The following NINL variants were observed in gnomAD, a reference collection of about 807,000 sequenced individuals.
The protein encoded by NINL is ninein-like protein.
In NINL, 153 loss-of-function variants were observed where a neutral mutation model predicts 160.3. The observed-to-expected ratio is 0.95, with a 90% CI of 0.84 to 1.09. NINL has a LOEUF of 1.09. Among genes scored for constraint, NINL ranks in the 50% least tolerant of loss-of-function variants. The pLI is 0.00. For synonymous variants in NINL, 800 were observed against 734.8 expected (o/e 1.09, Z -1.43); for missense variants, 1,829 against 1,764.0 (o/e 1.04, Z -0.66).
chr20:25,510,655 T>C lies in NINL; in HGVS notation c.517+19A>G, dbSNP rs1444499752. 3.1e-6 allele frequency: 5 copies of C among 1,611,948 alleles called. No individual in the cohort carries two copies. The highest frequency in any genetic ancestry group is 1.1e-5 in the South Asian group (1 of 91,008). On this transcript the variant is annotated intron_variant, in intron 5 of 23. Transcript: ENST00000278886. ...CTGGGCAAAGGCAGAGAGCACTGAA[T>C]GCGAGGCTGAGGCTTTACCTTGTGC...
In NINL at chr20:25,503,604, G is replaced by A. The variant is rs1030103133; in HGVS notation, c.861+348C>T. Among the ~76,000 whole-genome samples, 7 of 150,744 alleles carry A rather than the reference G, an allele frequency of 4.6e-5. No individual in the cohort carries two copies. In the East Asian group the frequency reaches 9.9e-4, roughly 21 times the overall value. Reference sequence around the variant, plus strand: ...CCTGAGCACTGCCTTCTGTTGCATCGGGTGGGCACCTGAGCTGCCATGTTC... The same window carrying A: ...CCTGAGCACTGCCTTCTGTTGCATCAGGTGGGCACCTGAGCTGCCATGTTC... On this transcript the variant is annotated intron_variant, in intron 7 of 23. Transcript: ENST00000278886.
At chr20:25,512,210 G>A (rs2064083231) in intron 4 of NINL, among the ~76,000 whole-genome samples, 1 of 152,212 alleles carries the variant, frequency 6.6e-6, no homozygotes, top group Non-Finnish European at 1.5e-5. Context: ...CAGGCCAGTT[G>A]TAAGTGCTGG....
intron 1 of NINL, among the ~76,000 whole-genome samples, chr20:25,582,185 G>A (rs2147213637): frequency 6.6e-6 from 1 of 152,200 alleles, no homozygotes; most frequent in Admixed American, 6.5e-5. Flanking sequence ...AACCTGGGAG[G>A]TGGAGGTAGC....
chr20:25,551,791 C>T (rs953515199), intron 1 of NINL, among the ~76,000 whole-genome samples: 3 of 152,166 alleles, frequency 2.0e-5, no homozygotes, highest in Non-Finnish European at 4.4e-5. Flanking sequence ...TGAGCGTGTT[C>T]TGCACTTGGG....
At chr20:25,485,991 T>C (rs2063497034) in intron 13 of NINL, among the ~76,000 whole-genome samples, 1 of 152,252 alleles carries the variant, frequency 6.6e-6, no homozygotes, top group African/African-American at 2.4e-5. Flanking sequence ...ATGTTGTGGT[T>C]TGCTGATGTT....
chr20:25,555,935 A>G (rs904145245), intron 1 of NINL, among the ~76,000 whole-genome samples: 1 of 151,102 alleles, frequency 6.6e-6, no homozygotes, highest in Non-Finnish European at 1.5e-5. Flanking sequence ...TCGGCCTCCC[A>G]AAGTGCTGGG....
At chr20:25,509,972 T>C (rs369041935) in intron 5 of NINL, among the ~76,000 whole-genome samples, 27 of 152,370 alleles carry the variant, frequency 1.8e-4, no homozygotes, top group African/African-American at 5.5e-4. Context: ...ATGTAATGCA[T>C]GTCCCTCCAG....
Position 25,476,076 on chromosome 20 carries a change from A to G in NINL, c.3215T>C (p.Leu1072Pro). Residue 1072 changes from leucine to proline, a missense_variant, in exon 17 of 24, where the codon CTG becomes CCG. Coordinates refer to ENST00000278886, the MANE Select transcript of NINL (RefSeq NM_025176.6). The stretch of plus-strand genomic sequence containing the variant: ...CTCTCTCAAATCTACATGTTTCTCC[A>G]GAGCCCGGACGACGTCTTCCAGATG... ...LLHLEDVVRALEKHVDLREND... is the reference protein window; with the variant it reads ...LLHLEDVVRAPEKHVDLREND... 1 of 1,613,850 alleles carries G rather than the reference A, an allele frequency of 6.2e-7. No homozygotes were observed. Among genetic ancestry groups the G allele is most frequent in the Non-Finnish European group, 8.5e-7 (1 of 1,179,728 alleles).
At position 25,453,389 on chromosome 20, in the gene NINL, G is replaced by A; in HGVS notation, c.*62C>T. ...TGGCTCATGACCCACGGAATCTAAG[G>A]CAGCACAGTGGCTTAATTTAAAAGA... is the stretch of plus-strand genomic sequence containing the variant. On this transcript the variant is annotated 3_prime_UTR_variant, in exon 24 of 24. Transcript: ENST00000278886. The A allele has an allele frequency of 2.1e-6, 3 of 1,448,532 alleles. No homozygotes were observed. Among genetic ancestry groups the A allele is most frequent in the Non-Finnish European group, 2.8e-6 (3 of 1,057,750 alleles). 89.7% of individuals were successfully genotyped at this position (1,448,532 alleles called of 1,614,324 possible).
chr20:25,477,187 T>G, intron 16 of NINL, 98 bp from the exon 17 acceptor site: 1 of 1,171,072 alleles, frequency 8.5e-7, no homozygotes, highest in Non-Finnish European at 1.2e-6. Context: ...TGCGACCTCC[T>G]CTCTGTGGTT....
intron 1 of NINL, among the ~76,000 whole-genome samples, chr20:25,580,359 G>A (rs974821992): frequency 2.0e-5 from 3 of 151,766 alleles, no homozygotes; most frequent in Non-Finnish European, 4.4e-5. Context: ...TGTAATGATT[G>A]CCCCTTATGA....
intron 21 of NINL, among the ~76,000 whole-genome samples, chr20:25,460,955 C>T (rs1031338348): frequency 6.6e-6 from 1 of 152,230 alleles, no homozygotes; most frequent in Admixed American, 6.5e-5. Context: ...CTCCCTTGAG[C>T]CACCCCCTCC....
At chr20:25,518,429 C>G (rs1010625857) in intron 2 of NINL, among the ~76,000 whole-genome samples, 5 of 152,220 alleles carry the variant, frequency 3.3e-5, no homozygotes, top group African/African-American at 1.2e-4. Flanking sequence ...ACAAAATGCT[C>G]ACACTCTTTA....
At chr20:25,566,803 AAACAACAAC>A (rs141901438) in intron 1 of NINL, among the ~76,000 whole-genome samples, 2 of 151,648 alleles carry the variant, frequency 1.3e-5, no homozygotes, top group East Asian at 1.9e-4. Flanking sequence ...TAAAACAAAC[AAACAACAAC>A]AACAACAACA....
intron 10 of NINL, among the ~76,000 whole-genome samples, chr20:25,493,645 G>A (rs999309869): frequency 8.5e-5 from 13 of 152,126 alleles, no homozygotes; most frequent in Non-Finnish European, 1.5e-4. Context: ...AGGGGCCGGG[G>A]GGCATCTTTT....
chr20:25,470,258 T>C lies in NINL; in HGVS notation c.3249-163A>G, dbSNP rs141921720. Among the ~76,000 whole-genome samples the C allele has an allele frequency of 1.0e-3, 156 of 152,296 alleles. 1 individual carries two copies. Among genetic ancestry groups the C allele is most frequent in the Middle Eastern group, 3.4e-3 (1 of 294 alleles). ...CTTTCCCTCTTCCTGCACCAGGTGTTAACGTCTTACATCTCCCATGAGCCA... is the reference window on the plus strand; with the variant it reads ...CTTTCCCTCTTCCTGCACCAGGTGTCAACGTCTTACATCTCCCATGAGCCA... On this transcript the variant is annotated intron_variant, in intron 17 of 23. Transcript: ENST00000278886.
rs544197017 is a variant in NINL at position 25,475,010 on chromosome 20, T to C, written c.3248+1033A>G. Reference sequence around the variant, plus strand: ...GCTGGCCAGGCTGGTCTTGAACTCCTGACCTCAGGTGATCCACCCACCTTG... The same window carrying C: ...GCTGGCCAGGCTGGTCTTGAACTCCCGACCTCAGGTGATCCACCCACCTTG... On this transcript the variant is annotated intron_variant, in intron 17 of 23. Transcript: ENST00000278886. Among the ~76,000 whole-genome samples, 6 of 152,200 alleles carry C rather than the reference T, an allele frequency of 3.9e-5. No individual in the cohort carries two copies. In the South Asian group the frequency reaches 1.0e-3, roughly 26 times the overall value.
chr20:25,499,859 C>T (rs2063831200), intron 8 of NINL, among the ~76,000 whole-genome samples: 1 of 142,648 alleles, frequency 7.0e-6, no homozygotes, highest in Non-Finnish European at 1.5e-5. Flanking sequence ...AAGAGGACAT[C>T]GTTGCATTAT....
At chr20:25,542,249 T>G (rs2064674349) in intron 1 of NINL, among the ~76,000 whole-genome samples, 2 of 152,268 alleles carry the variant, frequency 1.3e-5, no homozygotes, top group African/African-American at 4.8e-5. Context: ...TATCAGAATA[T>G]ATAAAGGGAT....
Sources: allele counts gnomAD v4.1 joint callset (sites outside exome capture counted in the v4.1 genomes callset), GRCh38; gene constraint gnomAD v4.1.1; transcripts MANE v1.5; gene names NCBI Gene and HGNC (gene_info 2026-07-23, HGNC 2026-07-21).